C11orf54: variants seen among roughly 807,000 people sequenced by gnomAD.
The protein encoded by C11orf54 is beta-keto-L-gulonate decarboxylase.
C11orf54 carries 29 observed loss-of-function variants against 35.5 expected under a neutral mutation model. That is an observed-to-expected ratio of 0.82 (90% CI 0.61 to 1.11). The LOEUF is 1.11. C11orf54 is among the 50% of genes most tolerant of loss of function. The pLI is 0.00. For synonymous variants in C11orf54, 108 were observed against 121.1 expected (o/e 0.89, Z 0.71); for missense variants, 373 against 369.2 (o/e 1.01, Z -0.08).
At chr11:93,744,773 A>G (rs1942351901) in intron 1 of C11orf54, among the ~76,000 whole-genome samples, 1 of 152,222 alleles carries the variant, frequency 6.6e-6, no homozygotes, top group South Asian at 2.1e-4. Context: ...TAAATAAGAC[A>G]CAAAGTATAG....
chr11:93,747,668 A>G (rs1327939027), intron 2 of C11orf54, among the ~76,000 whole-genome samples: 1 of 152,040 alleles, frequency 6.6e-6, no homozygotes, highest in Non-Finnish European at 1.5e-5. Context: ...TAAAATTATA[A>G]TTTATAAATT....
intron 5 of C11orf54, among the ~76,000 whole-genome samples, chr11:93,754,324 T>C (rs1413214900): frequency 1.3e-5 from 2 of 152,318 alleles, no homozygotes; most frequent in East Asian, 3.9e-4. Context: ...ATTTATATTC[T>C]TACAGGATTC....
Position 93,747,383 on chromosome 11 carries a change from G to C in C11orf54, c.-11G>C. The C allele has an allele frequency of 1.3e-6, 2 of 1,593,428 alleles. No homozygotes were observed. Among genetic ancestry groups the C allele is most frequent in the South Asian group, 2.3e-5 (2 of 87,668 alleles). ...CTATTTGTCCAACCTCACACCTAAAGAAGAAAGAAAATGGCTTGTGCTGAG... is the reference window on the plus strand; with the variant it reads ...CTATTTGTCCAACCTCACACCTAAACAAGAAAGAAAATGGCTTGTGCTGAG... On this transcript the variant is annotated 5_prime_UTR_variant, in exon 2 of 9. Transcript: ENST00000354421.
intron 1 of C11orf54, among the ~76,000 whole-genome samples, chr11:93,745,147 C>T (rs555573042): frequency 2.6e-4 from 39 of 152,278 alleles, no homozygotes; most frequent in African/African-American, 8.9e-4. Context: ...AACGAATAGT[C>T]GGCTTTACAC....
intron 1 of C11orf54, chr11:93,745,947 A>C (rs1347183506): frequency 6.6e-6 from 1 of 152,350 alleles, no homozygotes; most frequent in East Asian, 1.9e-4. Flanking sequence ...ATGCCATTGC[A>C]CTCCAGCCTG....
rs1242748223 is a variant in C11orf54 at position 93,751,842 on chromosome 11, T to TTG, written c.154+1413_154+1414dup. ...AATCTTTTTTTTTTTTTTTTTTTTT[T>TTG]TGTGTGTGTGTGTGTGAGATGGAAT... is the stretch of plus-strand genomic sequence containing the variant. On this transcript the variant is annotated intron_variant, in intron 3 of 8. Transcript: ENST00000354421. Among the ~76,000 whole-genome samples the TTG allele has an allele frequency of 4.3e-4, 60 of 138,470 alleles. 1 individual carries two copies. The highest frequency in any genetic ancestry group is 3.5e-3 in the Middle Eastern group (1 of 282). 90.8% of individuals were successfully genotyped at this position (138,470 alleles called of 152,430 possible). A position where few individuals can be genotyped will look rare whatever the true frequency, so the allele number is the denominator to read the frequency against.
At chr11:93,758,701 C>T (rs956259688) in intron 7 of C11orf54, among the ~76,000 whole-genome samples, 15 of 152,248 alleles carry the variant, frequency 9.9e-5, no homozygotes, top group African/African-American at 3.4e-4. Context: ...GGATTTGGGG[C>T]GCTGACACGA....
intron 1 of C11orf54, among the ~76,000 whole-genome samples, chr11:93,745,233 T>G (rs1565255303): frequency 6.6e-6 from 1 of 152,122 alleles, no homozygotes; most frequent in East Asian, 1.9e-4. Context: ...GCACAGACCC[T>G]TTATGGGTGT....
At chr11:93,761,463 A>C in intron 8 of C11orf54, 52 bp from the exon 9 acceptor site, 1 of 1,481,502 alleles carries the variant, frequency 6.7e-7, no homozygotes, top group Non-Finnish European at 9.1e-7. Context: ...CCTCCCCCTT[A>C]AACTCTAATC....
chr11:93,753,861 T>C, intron 4 of C11orf54, 75 bp from the exon 5 acceptor site: 1 of 1,538,282 alleles, frequency 6.5e-7, no homozygotes. Flanking sequence ...GAAGTGCTAA[T>C]GGATCAGTAA....
intron 1 of C11orf54, among the ~76,000 whole-genome samples, chr11:93,745,158 G>A (rs895621212): frequency 6.6e-6 from 1 of 152,100 alleles, no homozygotes. Context: ...GGCTTTACAC[G>A]GAGACATTCT....
At position 93,751,399 on chromosome 11, in the gene C11orf54, G is replaced by GTTT. The variant is rs71064778; in HGVS notation, c.154+977_154+979dup. On this transcript the variant is annotated intron_variant, in intron 3 of 8. Coordinates refer to ENST00000354421, the MANE Select transcript of C11orf54 (RefSeq NM_001286069.2). ...GGATTTAGCATAGTACTTTTTTATA[G>GTTT]TTTTTTTTTTTTTTTTTTTTTTTTG... Among the ~76,000 whole-genome samples the GTTT allele has an allele frequency of 1.7e-3, 125 of 74,698 alleles. 1 individual carries two copies. Among genetic ancestry groups the GTTT allele is most frequent in the African/African-American group, 6.5e-3 (123 of 18,938 alleles). The allele number at this position is 74,698 out of a possible 152,430, so 49.0% of individuals were successfully genotyped here.
At chr11:93,743,437 C>T (rs1181645779) in intron 1 of C11orf54, among the ~76,000 whole-genome samples, 2 of 152,242 alleles carry the variant, frequency 1.3e-5, no homozygotes, top group South Asian at 2.1e-4. Flanking sequence ...ACTTAGCCCA[C>T]GGCTCTCAAC....
At chr11:93,756,321 A>G (rs1334137056) in intron 6 of C11orf54, among the ~76,000 whole-genome samples, 1 of 151,026 alleles carries the variant, frequency 6.6e-6, no homozygotes, top group African/African-American at 2.4e-5. Context: ...TCAAAAAAAA[A>G]AAAAAAAAAT....
intron 8 of C11orf54, among the ~76,000 whole-genome samples, chr11:93,761,148 A>G (rs571606303): frequency 1.3e-5 from 2 of 152,368 alleles, no homozygotes; most frequent in Admixed American, 1.3e-4. Context: ...TAAAAGAATG[A>G]GGAAGCTCTT....
At position 93,761,586 on chromosome 11, in the gene C11orf54, C is replaced by G. The variant is rs375639218; in HGVS notation, c.846C>G (p.Asp282Glu). The change falls in exon 9 of 9, where the codon GAC becomes GAG. Residue 282 changes from aspartate (D) to glutamate (E), a missense_variant. Asp to Glu is a conservative substitution (Grantham distance 45). Coordinates refer to ENST00000354421, the MANE Select transcript of C11orf54 (RefSeq NM_001286069.2). ...RHGEGGHYHY[D>E]TTPDIVEYLG... ...GAGAAGGTGGACACTACCATTATGA[C>G]ACTACTCCAGATATAGTGGAATATC... 26 of 1,613,128 alleles carry G rather than the reference C, an allele frequency of 1.6e-5. No homozygotes were observed. Among genetic ancestry groups the G allele is most frequent in the Non-Finnish European group, 2.1e-5 (25 of 1,179,590 alleles).
At chr11:93,747,546 T>C (rs1036403227) in intron 2 of C11orf54, 98 bp downstream of exon 2, 35 of 600,222 alleles carry the variant, frequency 5.8e-5, no homozygotes, top group Non-Finnish European at 8.3e-5. Flanking sequence ...TACTTATGTA[T>C]ATCTATATCT....
At chr11:93,761,396 C>G in intron 8 of C11orf54, 119 bp from the exon 9 acceptor site, 1 of 891,620 alleles carries the variant, frequency 1.1e-6, no homozygotes, top group Non-Finnish European at 1.7e-6. Context: ...GAATTTAGAA[C>G]ATGTGAATGT....
At chr11:93,759,597 T>C in intron 7 of C11orf54, 145 bp from the exon 8 acceptor site, 1 of 330,346 alleles carries the variant, frequency 3.0e-6, no homozygotes, top group Non-Finnish European at 5.2e-6. Flanking sequence ...TATACCTATA[T>C]AACAAAACTG....
Sources: gnomAD v4.1 joint callset for allele counts (sites outside exome capture counted in the v4.1 genomes callset) on GRCh38, gnomAD v4.1.1 for gene constraint, MANE v1.5 for transcripts, NCBI Gene and HGNC (gene_info 2026-07-23, HGNC 2026-07-21) for gene names.